SGCB: variants seen among roughly 807,000 people sequenced by gnomAD.
SGCB encodes beta-sarcoglycan.
A neutral mutation model predicts 27.3 loss-of-function variants in SGCB; 25 were observed. That is an observed-to-expected ratio of 0.92 (90% confidence interval 0.67 to 1.28). The LOEUF (loss-of-function observed/expected upper bound fraction) is 1.28, where lower values mean the gene tolerates loss of function less well. Among genes scored for constraint, SGCB ranks in the 50% most tolerant of loss-of-function variants. The pLI, the probability that SGCB is intolerant of heterozygous loss-of-function variation, is 0.00. For missense variants in SGCB, 436 were observed against 402.1 expected (o/e 1.08, Z -0.72); for synonymous variants, 147 against 133.5 (o/e 1.10, Z -0.70).
rs774413452 is a variant in SGCB at position 52,028,886 on chromosome 4, T to C, written c.465A>G (p.Val155=). The change falls in exon 4 of 6, where the codon GTA becomes GTG. Residue 155 remains valine, a synonymous_variant. Transcript: ENST00000381431. The stretch of plus-strand genomic sequence containing the variant: ...TTGTAATAGAAGTTTTGTTGTTTTC[T>C]ACACTGAGCTTTGTTGTCCCTTGCT... ...VFQQGTTKLS[V]ENNKTSITSD... is the part of the protein sequence containing the mutation. 75 of 1,613,918 alleles carry C rather than the reference T, an allele frequency of 4.6e-5. No individual in the cohort carries two copies. The highest frequency in any genetic ancestry group is 6.4e-5 in the Non-Finnish European group (75 of 1,179,908).
rs548526207 is a variant in SGCB at position 52,027,899 on chromosome 4, C to T, written c.753+69G>A. 30 of 1,369,458 alleles carry T rather than the reference C, an allele frequency of 2.2e-5. No individual in the cohort carries two copies. The African/African-American group carries it at 3.9e-4, about 18-fold the overall frequency. 84.8% of individuals were successfully genotyped at this position (1,369,458 alleles called of 1,614,324 possible). On this transcript the variant is annotated intron_variant, in intron 5 of 5. Coordinates refer to ENST00000381431, the MANE Select transcript of SGCB (RefSeq NM_000232.5). ...TTATATCATTTTCAATAATTGTATA[C>T]TATTCCACATATGGATTTATGTACC...
chr4:52,031,691 C>T (rs1415086773), intron 2 of SGCB, among the ~76,000 whole-genome samples: 1 of 151,128 alleles, frequency 6.6e-6, no homozygotes, highest in African/African-American at 2.4e-5. Context: ...CTATTTTTTC[C>T]ATGGTTTAGG....
chr4:52,032,365 CCTA>C (rs112388489), intron 2 of SGCB, among the ~76,000 whole-genome samples: 46 of 152,280 alleles, frequency 3.0e-4, no homozygotes, highest in Admixed American at 2.1e-3. Context: ...CATTGTTCCT[CCTA>C]CTTTGTGTCT....
Position 52,024,091 on chromosome 4 carries a change from C to T in SGCB, c.823G>A (p.Asp275Asn). Residue 275 changes from aspartate to asparagine, a missense_variant, in exon 6 of 6, where the codon GAC becomes AAC. Transcript: ENST00000381431. ...ACCCAGTCACCACTACCCAACTGGT[C>T]TCCACTGGAGGAACTGGGTAGGCGG... The part of the protein sequence containing the change: ...TTRLPSSSSG[D>N]QLGSGDWVRY... The T allele has an allele frequency of 1.2e-6, 2 of 1,613,986 alleles. No homozygotes were observed. The highest frequency in any genetic ancestry group is 1.7e-6 in the Non-Finnish European group (2 of 1,179,938).
At chr4:52,027,905 C>T (rs1438068909) in intron 5 of SGCB, 63 bp downstream of exon 5, 2 of 1,419,088 alleles carry the variant, frequency 1.4e-6, no homozygotes, top group African/African-American at 2.8e-5. Context: ...TATACTATTC[C>T]ACATATGGAT....
At position 52,028,935 on chromosome 4, in the gene SGCB, AG is replaced by A. The variant is rs1420828449; in HGVS notation, c.430-15del. 1.3e-6 allele frequency: 2 copies of A among 1,595,282 alleles called. No individual in the cohort carries two copies. Among genetic ancestry groups the A allele is most frequent in the Non-Finnish European group, 1.7e-6 (2 of 1,163,306 alleles). On this transcript the variant is annotated splice_polypyrimidine_tract_variant and intron_variant, in intron 3 of 5. Transcript: ENST00000381431. The stretch of plus-strand genomic sequence containing the variant: ...CTGAAAAACAATCTTCAAAAAAAAC[AG>A]TTTATTGTGAATATATTTTCAAAGA...
In SGCB at chr4:52,021,103, T is replaced by C. The variant is rs1736938013; in HGVS notation, c.*2854A>G. The C allele has an allele frequency of 6.6e-6, 1 of 152,246 alleles. No homozygotes were observed. Among genetic ancestry groups the C allele is most frequent in the Non-Finnish European group, 1.5e-5 (1 of 68,056 alleles). The allele number at this position is 152,246 out of a possible 1,614,324, so 9.4% of individuals were successfully genotyped here. ...TTTACATTTTTCTGTCTGCCCATTA[T>C]TAAGAAATCTTGCATTGATTTCATT... On this transcript the variant is annotated 3_prime_UTR_variant, in exon 6 of 6. Transcript: ENST00000381431.
rs1291773521 is a variant in SGCB, at chr4:52,023,823, A to G, written c.*134T>C. On this transcript the variant is annotated 3_prime_UTR_variant, in exon 6 of 6. Coordinates refer to ENST00000381431, the MANE Select transcript of SGCB (RefSeq NM_000232.5). ...CTCTGAGAAGATTTTAACTATGTAG[A>G]CCATAAAACAGATACAGCAGTGCTC... is the stretch of plus-strand genomic sequence containing the variant. The G allele has an allele frequency of 1.4e-6, 1 of 714,744 alleles. No individual in the cohort carries two copies. The highest frequency in any genetic ancestry group is 1.7e-5 in the African/African-American group (1 of 57,220). 44.3% of individuals were successfully genotyped at this position (714,744 alleles called of 1,614,324 possible).
intron 2 of SGCB, among the ~76,000 whole-genome samples, chr4:52,031,203 T>C (rs772110702): frequency 6.6e-6 from 1 of 152,222 alleles, no homozygotes; most frequent in Non-Finnish European, 1.5e-5. Context: ...CTTATGTATT[T>C]GATCATTTCC....
rs1737198491 is a variant in SGCB at position 52,029,687 on chromosome 4, G to A, written c.420C>T (p.Asn140=). 6.2e-7 allele frequency: 1 copy of A among 1,611,480 alleles called. No homozygotes were observed. The highest frequency in any genetic ancestry group is 8.5e-7 in the Non-Finnish European group (1 of 1,177,798). Residue 140 remains asparagine (N), a synonymous_variant, in exon 3 of 6, where the codon AAC becomes AAT. Coordinates refer to ENST00000381431, the MANE Select transcript of SGCB (RefSeq NM_000232.5). ...TAATGTGGCAACTTACAGGCTGGTT[G>A]TTGCCAGTGATGACCAAATTTTCAT... ...RRNENLVITG[N]NQPIVFQQGT...
At position 52,028,895 on chromosome 4, in the gene SGCB, C is replaced by T. The variant is rs2109371116; in HGVS notation, c.456G>A (p.Lys152=). 2 of 1,613,792 alleles carry T rather than the reference C, an allele frequency of 1.2e-6. No individual in the cohort carries two copies. The highest frequency in any genetic ancestry group is 3.3e-5 in the Admixed American group (2 of 60,018). Reference sequence around the variant, plus strand: ...AAGTTTTGTTGTTTTCTACACTGAGCTTTGTTGTCCCTTGCTGAAAAACAA... The same window carrying T: ...AAGTTTTGTTGTTTTCTACACTGAGTTTTGTTGTCCCTTGCTGAAAAACAA... ...QPIVFQQGTT[K]LSVENNKTSI... is the part of the protein sequence containing the mutation. Residue 152 remains lysine, a synonymous_variant, in exon 4 of 6, where the codon AAG becomes AAA. Coordinates refer to ENST00000381431, the MANE Select transcript of SGCB (RefSeq NM_000232.5).
At chr4:52,028,567 C>T (rs937328578) in intron 4 of SGCB, among the ~76,000 whole-genome samples, 163 bp downstream of exon 4, 6 of 151,658 alleles carry the variant, frequency 4.0e-5, no homozygotes, top group Admixed American at 2.6e-4. Context: ...ATCCGGGAGG[C>T]GGAGCTTGCA....
intron 1 of SGCB, among the ~76,000 whole-genome samples, chr4:52,037,231 G>C (rs1036357459): frequency 4.6e-5 from 7 of 152,080 alleles, no homozygotes; most frequent in African/African-American, 1.7e-4. Context: ...CCTGCCTATT[G>C]TCTTTAGCTG....
rs1317212454 is a variant in SGCB, at chr4:52,021,304, T to C, written c.*2653A>G. On this transcript the variant is annotated 3_prime_UTR_variant, in exon 6 of 6. Transcript: ENST00000381431. ...ACAGCAGGAAGAGGCGAAGTCAGCA[T>C]TTCATTTACAGAAAAATACTATCTG... 6.6e-6 allele frequency: 1 copy of C among 152,296 alleles called. No individual in the cohort carries two copies. The highest frequency in any genetic ancestry group is 1.5e-5 in the Non-Finnish European group (1 of 68,166). 9.4% of individuals were successfully genotyped at this position (152,296 alleles called of 1,614,324 possible). A position where few individuals can be genotyped will look rare whatever the true frequency, so the allele number is the denominator to read the frequency against.
rs775088127 is a variant in SGCB, at chr4:52,024,012, G to C, written c.902C>G (p.Thr301Ser). 11 of 1,614,058 alleles carry C rather than the reference G, an allele frequency of 6.8e-6. No homozygotes were observed. The African/African-American group carries it at 8.0e-5, about 12-fold the overall frequency. The change falls in exon 6 of 6, where the codon ACC becomes AGC. Residue 301 changes from threonine to serine, a missense_variant. Coordinates refer to ENST00000381431, the MANE Select transcript of SGCB (RefSeq NM_000232.5). The part of the protein sequence containing the change: ...ADGTLFKVQV[T>S]SQNMGCQISD... ...GATTTGGCAGCCCATGTTCTGGCTGGTTACTTGCACCTTGAAGAGCGTCCC... is the reference window on the plus strand; with the variant it reads ...GATTTGGCAGCCCATGTTCTGGCTGCTTACTTGCACCTTGAAGAGCGTCCC...
Position 52,033,464 on chromosome 4 carries a change from G to A in SGCB, c.210C>T (p.Ile70=). ...TGATGACAGCCAGGATAAACAAGAG[G>A]ATAATCACACAGATGGCTAAATTGC... is the stretch of plus-strand genomic sequence containing the variant. ...RKGNLAICVI[I]LLFILAVINL... is the part of the protein sequence containing the mutation. Residue 70 remains isoleucine (I), a synonymous_variant, in exon 2 of 6, where the codon ATC becomes ATT. Transcript: ENST00000381431. 6.2e-7 allele frequency: 1 copy of A among 1,613,120 alleles called. No homozygotes were observed. The highest frequency in any genetic ancestry group is 8.5e-7 in the Non-Finnish European group (1 of 1,179,124).
intron 1 of SGCB, among the ~76,000 whole-genome samples, chr4:52,035,915 C>A (rs576317487): frequency 6.6e-6 from 1 of 152,268 alleles, no homozygotes; most frequent in South Asian, 2.1e-4. Flanking sequence ...CTCTTCTCTG[C>A]CAAACCATGC....
At chr4:52,029,992 C>T in intron 2 of SGCB, 129 bp from the exon 3 acceptor site, 1 of 712,522 alleles carries the variant, frequency 1.4e-6, no homozygotes, top group African/African-American at 1.8e-5. Context: ...GTAAATATAT[C>T]AATTAATTTT....
At position 52,028,763 on chromosome 4, in the gene SGCB, T is replaced by C; in HGVS notation, c.588A>G (p.Lys196=). The change falls in exon 4 of 6, where the codon AAA becomes AAG. Residue 196 remains lysine (K), a synonymous_variant. Transcript: ENST00000381431. ...THEFHLPSGV[K]SLNVQKASTE... Reference sequence around the variant, plus strand: ...TAGATGCCTTTTGAACATTCAAACTTTTCACTCCACTTGGCAAATGAAACT... The same window carrying C: ...TAGATGCCTTTTGAACATTCAAACTCTTCACTCCACTTGGCAAATGAAACT... 1.2e-6 allele frequency: 2 copies of C among 1,613,890 alleles called. No individual in the cohort carries two copies.
Sources: allele counts gnomAD v4.1 joint callset (sites outside exome capture counted in the v4.1 genomes callset), GRCh38; gene constraint gnomAD v4.1.1; transcripts MANE v1.5; gene names NCBI Gene and HGNC (gene_info 2026-07-23, HGNC 2026-07-21).